Variants in UGT1A10 observed in about 807,000 individuals in gnomAD.
UGT1A10 encodes the protein UDP-glucuronosyltransferase 1A10.
A neutral mutation model predicts 45.8 loss-of-function variants in UGT1A10; 49 were observed. That is an observed-to-expected ratio of 1.07 (90% CI 0.85 to 1.36). The LOEUF (loss-of-function observed/expected upper bound fraction) is 1.36. UGT1A10 is among the 40% of genes most tolerant of loss of function. The pLI, the probability that UGT1A10 is intolerant of heterozygous loss-of-function variation, is 0.00. For synonymous variants in UGT1A10, 284 were observed against 249.7 expected, an observed-to-expected ratio of 1.14 and a Z score of -1.29; for missense variants, 745 against 668.6, an observed-to-expected ratio of 1.11 and a Z score of -1.26.
chr2:233,732,960 T>C (rs2078342290), intron 1 of UGT1A10, among the ~76,000 whole-genome samples: 1 of 152,142 alleles, frequency 6.6e-6, no homozygotes, highest in South Asian at 2.1e-4. Context: ...TGTTCTTCCA[T>C]TTGTTTGTGT....
intron 1 of UGT1A10, among the ~76,000 whole-genome samples, chr2:233,745,157 A>T (rs1409881340): frequency 6.6e-6 from 1 of 151,846 alleles, no homozygotes; most frequent in Non-Finnish European, 1.5e-5. Context: ...TGGAGGGTCA[A>T]ATGTGCATGT....
intron 1 of UGT1A10, among the ~76,000 whole-genome samples, chr2:233,705,617 C>T (rs2075860928): frequency 6.6e-6 from 1 of 152,152 alleles, no homozygotes; most frequent in South Asian, 2.1e-4. Context: ...AGAGAAGAAA[C>T]TGAGTTGACA....
intron 1 of UGT1A10, chr2:233,648,892 G>C: frequency 7.6e-7 from 1 of 1,310,866 alleles, no homozygotes; most frequent in Non-Finnish European, 1.1e-6. Flanking sequence ...ACCTGTCATG[G>C]CATATGATCT....
intron 1 of UGT1A10, chr2:233,689,774 C>A: frequency 3.0e-6 from 1 of 331,564 alleles, no homozygotes; most frequent in African/African-American, 2.2e-5. Flanking sequence ...AACTCGGGGA[C>A]ATATGTTATG....
At chr2:233,690,755 A>G (rs912560309) in intron 1 of UGT1A10, 32 of 1,132,230 alleles carry the variant, frequency 2.8e-5, no homozygotes, top group Non-Finnish European at 3.5e-5. Context: ...TGTCCAGTGC[A>G]GACATACACA....
chr2:233,679,201 T>C (rs77070100), intron 1 of UGT1A10, among the ~76,000 whole-genome samples: 57,711 of 151,650 alleles, frequency 0.38, 11,273 homozygotes, highest in African/African-American at 0.45. Flanking sequence ...GTGTTGAACT[T>C]GTGGGTTCTG....
At chr2:233,738,718 T>G (rs912478722) in intron 1 of UGT1A10, among the ~76,000 whole-genome samples, 1 of 152,094 alleles carries the variant, frequency 6.6e-6, no homozygotes, top group Non-Finnish European at 1.5e-5. Flanking sequence ...AGCATAAAAG[T>G]TTGGAAAATT....
rs996102742 is a variant in UGT1A10 at position 233,755,058 on chromosome 2, G to A, written c.856-11976G>A. The A allele has an allele frequency of 3.7e-6, 5 of 1,333,560 alleles. No homozygotes were observed. In the African/African-American group the frequency reaches 6.0e-5, roughly 16 times the overall value. The allele number at this position is 1,333,560 out of a possible 1,614,324, so 82.6% of individuals were successfully genotyped here. On this transcript the variant is annotated intron_variant, in intron 1 of 4. Transcript: ENST00000344644. The stretch of plus-strand genomic sequence containing the variant: ...GCCTGCGCAGCCGCCCTCCGCCCTC[G>A]CCTCGCCATAGCGGTCATAGATATC...
chr2:233,675,272 G>A (rs2074316404), intron 1 of UGT1A10, among the ~76,000 whole-genome samples: 1 of 152,166 alleles, frequency 6.6e-6, no homozygotes, highest in East Asian at 1.9e-4. Context: ...ATCATTCCGT[G>A]TGGTCATTCT....
chr2:233,750,894 A>C lies in UGT1A10; in HGVS notation c.856-16140A>C, dbSNP rs543579784. 1.2e-3 allele frequency among the ~76,000 whole-genome samples: 186 copies of C among 151,880 alleles called. 5 individuals are homozygous for C. The highest frequency in any genetic ancestry group is 4.3e-3 in the African/African-American group (178 of 41,202). ...TGCATGGATGGAGCCCTTATAGAGAACCTCTGCTAGAGAAGGGTGGTAAAG... is the reference window on the plus strand; with the variant it reads ...TGCATGGATGGAGCCCTTATAGAGACCCTCTGCTAGAGAAGGGTGGTAAAG... On this transcript the variant is annotated intron_variant, in intron 1 of 4. Transcript: ENST00000344644.
chr2:233,650,971 A>T (rs2073724681), intron 1 of UGT1A10, among the ~76,000 whole-genome samples: 1 of 152,194 alleles, frequency 6.6e-6, no homozygotes, highest in African/African-American at 2.4e-5. Context: ...TTTGTAACAC[A>T]GTTGTATGTC....
At chr2:233,747,637 A>G in intron 1 of UGT1A10, 1 of 1,582,234 alleles carries the variant, frequency 6.3e-7, no homozygotes, top group Non-Finnish European at 8.7e-7. Flanking sequence ...AGGCACCTGA[A>G]TGCTACTTCC....
chr2:233,755,271 C>CATAG, intron 1 of UGT1A10: 1 of 755,820 alleles, frequency 1.3e-6, no homozygotes. Flanking sequence ...GTCCACTATG[C>CATAG]TGGACTGCCA....
At chr2:233,695,637 T>A (rs2075300898) in intron 1 of UGT1A10, among the ~76,000 whole-genome samples, 1 of 152,092 alleles carries the variant, frequency 6.6e-6, no homozygotes, top group African/African-American at 2.4e-5. Flanking sequence ...TGAGACCCAC[T>A]TTTTTAGCTC....
At chr2:233,662,500 A>G (rs2125490474) in intron 1 of UGT1A10, among the ~76,000 whole-genome samples, 1 of 152,332 alleles carries the variant, frequency 6.6e-6, no homozygotes, top group African/African-American at 2.4e-5. Flanking sequence ...TCCTGCAACC[A>G]TGCTAAACTT....
intron 1 of UGT1A10, chr2:233,713,152 G>A (rs1219842752): frequency 6.2e-7 from 1 of 1,614,236 alleles, no homozygotes; most frequent in Non-Finnish European, 8.5e-7. Flanking sequence ...CTCCATGCGA[G>A]AGGCCACCAG....
At chr2:233,699,728 C>T (rs1338916354) in intron 1 of UGT1A10, among the ~76,000 whole-genome samples, 1 of 152,204 alleles carries the variant, frequency 6.6e-6, no homozygotes, top group Non-Finnish European at 1.5e-5. Context: ...TTTTACGGAG[C>T]GTTTTCCCAG....
At chr2:233,676,984 A>G (rs1298626096) in intron 1 of UGT1A10, among the ~76,000 whole-genome samples, 3 of 152,038 alleles carry the variant, frequency 2.0e-5, no homozygotes, top group African/African-American at 7.2e-5. Context: ...TAAATGAGGT[A>G]GTGTTACCTC....
chr2:233,762,402 T>A (rs1251958312), intron 1 of UGT1A10, among the ~76,000 whole-genome samples: 1 of 152,262 alleles, frequency 6.6e-6, no homozygotes, highest in Non-Finnish European at 1.5e-5. Flanking sequence ...TAAAATTTTT[T>A]GGTTGCTTTT....
Sources: allele counts gnomAD v4.1 joint callset (sites outside exome capture counted in the v4.1 genomes callset), GRCh38; gene constraint gnomAD v4.1.1; transcripts MANE v1.5; gene names NCBI Gene and HGNC (gene_info 2026-07-23, HGNC 2026-07-21).